ZFP1: variants seen among roughly 807,000 people sequenced by gnomAD.
ZFP1 encodes zinc finger protein 1 homolog.
A neutral mutation model predicts 38.5 loss-of-function variants in ZFP1; 32 were observed. The observed-to-expected ratio is 0.83, with a 90% CI of 0.63 to 1.12. ZFP1 has a LOEUF of 1.12. ZFP1 is among the 50% of genes most tolerant of loss of function. The probability of loss-of-function intolerance (pLI) is 0.00; values close to 1 mark genes in which losing one functional copy is unlikely to be tolerated. For synonymous variants in ZFP1, 245 were observed against 168.8 expected, an observed-to-expected ratio of 1.45 and a Z score of -3.50; for missense variants, 616 against 480.8, an observed-to-expected ratio of 1.28 and a Z score of -2.63.
At chr16:75,135,175 A>ACTCCAGCC in the ZFP1 span, among the ~76,000 whole-genome samples, 1 of 130,488 alleles carries the variant, frequency 7.7e-6, no homozygotes, top group Non-Finnish European at 1.6e-5. Flanking sequence ...ACAACACTGC[A>ACTCCAGCC]CTCCAGCCTG....
At chr16:75,150,311 C>T (rs1882606573) in intron 1 of ZFP1, among the ~76,000 whole-genome samples, 1 of 151,194 alleles carries the variant, frequency 6.6e-6, no homozygotes, top group South Asian at 2.1e-4. Context: ...CAGGTTCACA[C>T]CATTCTCCTG....
At chr16:75,160,942 A>G (rs926607306) in intron 2 of ZFP1, among the ~76,000 whole-genome samples, 7 of 152,198 alleles carry the variant, frequency 4.6e-5, no homozygotes, top group South Asian at 2.1e-4. Context: ...ACACCTCCCA[A>G]TACTTAATTG....
At chr16:75,160,432 C>A (rs2037706810) in intron 2 of ZFP1, among the ~76,000 whole-genome samples, 1 of 151,850 alleles carries the variant, frequency 6.6e-6, no homozygotes, top group South Asian at 2.1e-4. Flanking sequence ...CCCATCTATA[C>A]TAAAAATACA....
At chr16:75,123,036 T>A in the ZFP1 span, among the ~76,000 whole-genome samples, 1 of 152,136 alleles carries the variant, frequency 6.6e-6, no homozygotes, top group Non-Finnish European at 1.5e-5. Context: ...AATAGAGATT[T>A]TATTATTTGG....
intron 2 of ZFP1, among the ~76,000 whole-genome samples, chr16:75,164,730 G>A (rs988767947): frequency 4.6e-5 from 7 of 152,202 alleles, no homozygotes; most frequent in Admixed American, 1.3e-4. Context: ...TGGTTGAGGG[G>A]GGGAATATCA....
the ZFP1 span, among the ~76,000 whole-genome samples, chr16:75,119,881 G>C: frequency 6.6e-6 from 1 of 152,028 alleles, no homozygotes; most frequent in African/African-American, 2.4e-5. Flanking sequence ...TGATGTGATA[G>C]GGGGTGAAAA....
the ZFP1 span, among the ~76,000 whole-genome samples, chr16:75,137,613 A>ATG: frequency 6.6e-6 from 1 of 151,010 alleles, no homozygotes; most frequent in East Asian, 2.0e-4. Context: ...ACAGGCGCCC[A>ATG]CCACCACGCC....
chr16:75,136,100 G>A, the ZFP1 span, among the ~76,000 whole-genome samples: 1 of 152,364 alleles, frequency 6.6e-6, no homozygotes, highest in African/African-American at 2.4e-5. Context: ...ATAGGCATGA[G>A]CCACCACGCC....
intron 2 of ZFP1, among the ~76,000 whole-genome samples, chr16:75,165,402 G>C (rs994246254): frequency 2.6e-5 from 4 of 151,892 alleles, no homozygotes; most frequent in Admixed American, 1.3e-4. Flanking sequence ...TTTTCCTCTG[G>C]GTTTTTTTCT....
intron 1 of ZFP1, 80 bp from the exon 2 acceptor site, chr16:75,152,829 G>A (rs11859007): frequency 0.85 from 1,154,003 of 1,365,448 alleles, 491,292 homozygotes; most frequent in Non-Finnish European, 0.87. Context: ...GTCTCTAGGG[G>A]TTTCTAAACA....
chr16:75,149,557 CTTTTTTTTTTT>C lies in ZFP1; in HGVS notation c.-44+924_-44+934del, dbSNP rs34371791. Among the ~76,000 whole-genome samples the C allele has an allele frequency of 4.9e-5, 5 of 101,792 alleles. No homozygotes were observed. In the South Asian group the frequency reaches 1.6e-3, roughly 33 times the overall value. 66.8% of individuals were successfully genotyped at this position (101,792 alleles called of 152,430 possible). A position where few individuals can be genotyped will look rare whatever the true frequency, so the allele number is the denominator to read the frequency against. ...TTGTACCGTTTCTTTTCTTTACTTT[CTTTTTTTTTTT>C]TTTTTTTTTGAGACGGAGTCTCGCT... On this transcript the variant is annotated intron_variant, in intron 1 of 3. Transcript: ENST00000570010.
chr16:75,127,634 T>G, the ZFP1 span, among the ~76,000 whole-genome samples: 1 of 152,142 alleles, frequency 6.6e-6, no homozygotes, highest in African/African-American at 2.4e-5. Flanking sequence ...CAGGTGCTCT[T>G]GAATGCAGGT....
In ZFP1 at chr16:75,166,801, A is replaced by G. The variant is rs763079554; in HGVS notation, c.47A>G (p.Asp16Gly). The G allele has an allele frequency of 3.9e-5, 63 of 1,614,034 alleles. No individual in the cohort carries two copies. Among genetic ancestry groups the G allele is most frequent in the Non-Finnish European group, 5.1e-5 (60 of 1,180,022 alleles). ...GSVSFTDVTV[D>G]FTQEEWEQLD... Reference sequence around the variant, plus strand: ...GTTTCATTCACGGATGTGACTGTGGACTTTACCCAGGAGGAATGGGAACAA... The same window carrying G: ...GTTTCATTCACGGATGTGACTGTGGGCTTTACCCAGGAGGAATGGGAACAA... Residue 16 changes from aspartate to glycine, a missense_variant, in exon 3 of 4, where the codon GAC (aspartate) becomes GGC (glycine). By Grantham distance (94) the Asp-to-Gly change is moderately conservative. Transcript: ENST00000570010.
the ZFP1 span, among the ~76,000 whole-genome samples, chr16:75,125,158 C>G: frequency 6.6e-6 from 1 of 152,060 alleles, no homozygotes; most frequent in Non-Finnish European, 1.5e-5. Context: ...ATTTGGGAGG[C>G]TGAGGCAGGA....
At chr16:75,150,429 C>G (rs2037138821) in intron 1 of ZFP1, among the ~76,000 whole-genome samples, 1 of 151,878 alleles carries the variant, frequency 6.6e-6, no homozygotes, top group Non-Finnish European at 1.5e-5. Context: ...CCGTGTTAGC[C>G]AGGATGGTCT....
rs778062146 is a variant in ZFP1 at position 75,166,958 on chromosome 16, T to G, written c.142+62T>G. ...TAGAGGTATTTATGTCCTGTCTCAG[T>G]GACCAGAAATGAGCTTCTGAATTAC... On this transcript the variant is annotated intron_variant, in intron 3 of 3. Transcript: ENST00000570010. 39 of 1,555,458 alleles carry G rather than the reference T, an allele frequency of 2.5e-5. No individual in the cohort carries two copies. The South Asian group carries it at 4.8e-4, about 19-fold the overall frequency.
chr16:75,123,366 G>A, the ZFP1 span, among the ~76,000 whole-genome samples: 4 of 138,222 alleles, frequency 2.9e-5, no homozygotes, highest in African/African-American at 1.1e-4. Flanking sequence ...ATATATATGT[G>A]TATATATATA....
At chr16:75,166,935 G>A in intron 3 of ZFP1, 39 bp downstream of exon 3, 1 of 1,594,804 alleles carries the variant, frequency 6.3e-7, no homozygotes, top group Non-Finnish European at 8.6e-7. Flanking sequence ...CATGTGCCTA[G>A]AGGTATTTAT....
At chr16:75,123,849 T>C in the ZFP1 span, among the ~76,000 whole-genome samples, 1 of 151,522 alleles carries the variant, frequency 6.6e-6, no homozygotes, top group African/African-American at 2.4e-5. Context: ...CCCAGCACTT[T>C]AGGAGGCCAA....
Sources: allele counts gnomAD v4.1 joint callset (sites outside exome capture counted in the v4.1 genomes callset), GRCh38; gene constraint gnomAD v4.1.1; transcripts MANE v1.5; gene names NCBI Gene and HGNC (gene_info 2026-07-23, HGNC 2026-07-21).